Variants in KIF5B observed in about 807,000 individuals in gnomAD.
The protein encoded by KIF5B is kinesin family member 5B.
KIF5B carries 49 observed loss-of-function variants against 132.8 expected under a neutral mutation model. The ratio of observed to expected loss-of-function variants is 0.37; its 90% CI spans 0.29 to 0.47. KIF5B has a LOEUF of 0.47. Among genes scored for constraint, KIF5B ranks in the 20% least tolerant of loss-of-function variants. KIF5B has a pLI of 1.00. For missense variants in KIF5B, 780 were observed against 1,144.0 expected (o/e 0.68, Z 4.59); for synonymous variants, 355 against 369.4 (o/e 0.96, Z 0.45).
intron 9 of KIF5B, 107 bp downstream of exon 9, chr10:32,035,783 T>C: frequency 7.7e-7 from 1 of 1,295,780 alleles, no homozygotes. Flanking sequence ...TGAATCTCAA[T>C]CTCTCTTTCT....
In KIF5B at chr10:32,055,975, T is replaced by TA; in HGVS notation, c.-3_-2insT. On this transcript the variant is annotated 5_prime_UTR_variant, in exon 1 of 26. Coordinates refer to ENST00000302418, the MANE Select transcript of KIF5B (RefSeq NM_004521.3). ...GTTGCACTCGGCCAGGTCCGCCATC[T>TA]TTCTCGCAGCCGGGGCCGGCGGCCG... 1 of 1,604,702 alleles carries TA rather than the reference T, an allele frequency of 6.2e-7. No homozygotes were observed. Among genetic ancestry groups the TA allele is most frequent in the South Asian group, 1.1e-5 (1 of 91,056 alleles).
chr10:32,045,774 C>T (rs1024629669), intron 2 of KIF5B, among the ~76,000 whole-genome samples: 6 of 151,990 alleles, frequency 3.9e-5, no homozygotes, highest in African/African-American at 1.4e-4. Context: ...GAGTCATGCA[C>T]CATCACTTGA....
intron 2 of KIF5B, among the ~76,000 whole-genome samples, chr10:32,044,201 C>T (rs1040103784): frequency 1.4e-4 from 22 of 152,100 alleles, no homozygotes; most frequent in Admixed American, 3.9e-4. Context: ...GAAATCATCG[C>T]CAGGTGATAC....
At position 32,015,527 on chromosome 10, in the gene KIF5B, G is replaced by A. The variant is rs749267836; in HGVS notation, c.*2C>T. The A allele has an allele frequency of 6.2e-7, 1 of 1,607,042 alleles. No homozygotes were observed. Among genetic ancestry groups the A allele is most frequent in the Admixed American group, 1.7e-5 (1 of 58,570 alleles). ...AACAAACCTGTGGGTATGTATAAAC[G>A]ATTACACTTGTTTGCCTCCTCCACC... On this transcript the variant is annotated 3_prime_UTR_variant, in exon 25 of 26. Transcript: ENST00000302418.
chr10:32,019,689 T>C (rs868461342), intron 20 of KIF5B, among the ~76,000 whole-genome samples, 169 bp downstream of exon 20: 1 of 152,332 alleles, frequency 6.6e-6, no homozygotes, highest in Middle Eastern at 3.4e-3. Flanking sequence ...AATGCAAGTA[T>C]ATATTCCAAG....
intron 15 of KIF5B, among the ~76,000 whole-genome samples, chr10:32,024,146 C>CTTT (rs769483155): frequency 0.025 from 1,753 of 69,766 alleles, 318 homozygotes; most frequent in African/African-American, 0.029. Context: ...ATGAAGAACT[C>CTTT]TTTTTTTTTT....
chr10:32,011,676 A>T (rs1239354808), intron 25 of KIF5B, among the ~76,000 whole-genome samples, 160 bp from the exon 26 acceptor site: 1 of 152,192 alleles, frequency 6.6e-6, no homozygotes, highest in Non-Finnish European at 1.5e-5. Context: ...GAAGGATGGC[A>T]ATATTAAATG....
chr10:32,018,267 GAAGT>G lies in KIF5B; in HGVS notation c.2439+45_2439+48del, dbSNP rs778691736. 3.0e-5 allele frequency: 43 copies of G among 1,455,282 alleles called. No individual in the cohort carries two copies. In the Middle Eastern group the frequency reaches 9.2e-4, roughly 31 times the overall value. The allele number at this position is 1,455,282 out of a possible 1,614,324, so 90.1% of individuals were successfully genotyped here. A position where few individuals can be genotyped will look rare whatever the true frequency, so the allele number is the denominator to read the frequency against. Reference sequence around the variant, plus strand: ...CACTTTGAATACAAATAATTACCTAGAAGTAAGCACCATTTATGCAAACGCCTAC... The same window carrying G: ...CACTTTGAATACAAATAATTACCTAGAAGCACCATTTATGCAAACGCCTAC... On this transcript the variant is annotated intron_variant, in intron 22 of 25. Transcript: ENST00000302418.
intron 25 of KIF5B, among the ~76,000 whole-genome samples, chr10:32,013,358 A>G (rs1841111340): frequency 6.6e-6 from 1 of 152,228 alleles, no homozygotes; most frequent in Non-Finnish European, 1.5e-5. Context: ...ACTTTGTCAA[A>G]AATGTTTATG....
intron 2 of KIF5B, 121 bp from the exon 3 acceptor site, chr10:32,040,578 C>T (rs1470673155): frequency 3.2e-6 from 2 of 627,732 alleles, no homozygotes; most frequent in Non-Finnish European, 5.7e-6. Flanking sequence ...CTTAATGTTA[C>T]AGGAAAATAT....
At chr10:32,015,729 C>T in intron 24 of KIF5B, 70 bp from the exon 25 acceptor site, 1 of 1,275,154 alleles carries the variant, frequency 7.8e-7, no homozygotes, top group Non-Finnish European at 1.1e-6. Context: ...GTTAAGGTTT[C>T]TTCTCTTATT....
At chr10:32,032,581 C>T in intron 13 of KIF5B, 125 bp downstream of exon 13, 3 of 729,142 alleles carry the variant, frequency 4.1e-6, no homozygotes, top group South Asian at 3.1e-5. Context: ...ATCCATGTGA[C>T]ATTCTTATTC....
chr10:32,042,690 C>T (rs1395939710), intron 2 of KIF5B, among the ~76,000 whole-genome samples: 1 of 152,144 alleles, frequency 6.6e-6, no homozygotes, highest in East Asian at 1.9e-4. Context: ...ATACTTTTGC[C>T]ATTCCTATGA....
chr10:32,036,014 AG>A lies in KIF5B; in HGVS notation c.712-21del. On this transcript the variant is annotated intron_variant, in intron 8 of 25. Coordinates refer to ENST00000302418, the MANE Select transcript of KIF5B (RefSeq NM_004521.3). The stretch of plus-strand genomic sequence containing the variant: ...ACTAACCTATACATAAGATTTCAAA[AG>A]AATGAAACAAAATTACAAGTTTATA... 6.9e-7 allele frequency: 1 copy of A among 1,456,992 alleles called. No homozygotes were observed. The highest frequency in any genetic ancestry group is 9.3e-7 in the Non-Finnish European group (1 of 1,073,170). 90.3% of individuals were successfully genotyped at this position (1,456,992 alleles called of 1,614,324 possible).
Position 32,056,020 on chromosome 10 carries a change from C to G in KIF5B, c.-47G>C. The G allele has an allele frequency of 6.3e-7, 1 of 1,596,298 alleles. No homozygotes were observed. The highest frequency in any genetic ancestry group is 1.1e-5 in the South Asian group (1 of 90,788). On this transcript the variant is annotated 5_prime_UTR_variant, in exon 1 of 26. Coordinates refer to ENST00000302418, the MANE Select transcript of KIF5B (RefSeq NM_004521.3). ...CGGCCGGGAGCCACTCCCCGCCGCT[C>G]AGTCTTGCAGGGAACGCGCCGGACC...
intron 2 of KIF5B, among the ~76,000 whole-genome samples, chr10:32,042,833 C>T (rs1238949746): frequency 6.6e-6 from 1 of 152,122 alleles, no homozygotes; most frequent in Admixed American, 6.5e-5. Flanking sequence ...GAACTTCAGC[C>T]TCCCCAGCAA....
rs77734084 is a variant in KIF5B at position 32,022,091 on chromosome 10, T to C, written c.2032+49A>G. On this transcript the variant is annotated intron_variant, in intron 17 of 25. Transcript: ENST00000302418. ...GTGAATATTAAGTTTACTACAATTA[T>C]ACTAAAATAAGAACACAGATGTAAC... 1,662 of 886,966 alleles carry C rather than the reference T, an allele frequency of 1.9e-3. 24 individuals carry two copies. The African/African-American group carries it at 0.025, about 13-fold the overall frequency. The allele number at this position is 886,966 out of a possible 1,614,324, so 54.9% of individuals were successfully genotyped here.
chr10:32,037,452 A>C (rs1841475779), intron 7 of KIF5B, 68 bp downstream of exon 7: 1 of 1,591,096 alleles, frequency 6.3e-7, no homozygotes, highest in African/African-American at 1.3e-5. Context: ...GCAATCTTAT[A>C]ATTAATCACC....
At position 32,017,287 on chromosome 10, in the gene KIF5B, T is replaced by G; in HGVS notation, c.2617A>C (p.Arg873=). ...AGTGCTGATTCCAAAGCTTTCACTC[T>G]CTCAGCTGTAGCTCGAAGTCGCTTT... ...LEKRLRATAE[R]VKALESALKE... Residue 873 remains arginine, a synonymous_variant, in exon 24 of 26, where the codon AGA becomes CGA. Coordinates refer to ENST00000302418, the MANE Select transcript of KIF5B (RefSeq NM_004521.3). 6.2e-7 allele frequency: 1 copy of G among 1,614,228 alleles called. No homozygotes were observed. The highest frequency in any genetic ancestry group is 8.5e-7 in the Non-Finnish European group (1 of 1,180,036).
Sources: allele counts gnomAD v4.1 joint callset (sites outside exome capture counted in the v4.1 genomes callset), GRCh38; gene constraint gnomAD v4.1.1; transcripts MANE v1.5; gene names NCBI Gene and HGNC (gene_info 2026-07-23, HGNC 2026-07-21).